FMR1: variants seen among roughly 807,000 people sequenced by gnomAD.
FMR1 encodes fragile X messenger ribonucleoprotein 1.
FMR1 carries 13 observed loss-of-function variants against 50.6 expected under a neutral mutation model. The observed-to-expected ratio is 0.26, with a 90% CI of 0.17 to 0.41. FMR1 has a LOEUF of 0.41. Among genes scored for constraint, FMR1 ranks in the 10% least tolerant of loss-of-function variants. FMR1 has a pLI of 1.00. For synonymous variants in FMR1, 138 were observed against 164.1 expected (o/e 0.84, Z 1.22); for missense variants, 316 against 491.3 (o/e 0.64, Z 3.37).
At chrX:147,940,175 A>AC (rs2043950377) in intron 12 of FMR1, 1 of 113,047 alleles carries the variant, frequency 8.8e-6, no homozygotes, top group Admixed American at 9.5e-5. Context: ...AAAAAAAAAA[A>AC]AAAACAAAAA....
At chrX:147,914,124 TG>T (rs1410208857) in intron 1 of FMR1, 4 of 112,586 alleles carry the variant, frequency 3.6e-5, no homozygotes, top group African/African-American at 1.3e-4. Context: ...CCTCCTTTTT[TG>T]TTTTGTTTTG....
At chrX:147,940,153 T>C (rs1603025319) in intron 12 of FMR1, 1 of 63,202 alleles carries the variant, frequency 1.6e-5, no homozygotes, top group African/African-American at 8.0e-5. Flanking sequence ...AGAGCGAGAC[T>C]CCGTCTCAAA....
chrX:147,948,877 C>T lies in FMR1; in HGVS notation c.*33C>T, dbSNP rs1557182717. The T allele has an allele frequency of 8.4e-7, 1 of 1,184,204 alleles. No homozygotes were observed. The highest frequency in any genetic ancestry group is 1.7e-5 in the African/African-American group (1 of 57,243). On this transcript the variant is annotated 3_prime_UTR_variant, in exon 17 of 17. Transcript: ENST00000370475. ...AATTCTGAAGTTATATTTCCTATAC[C>T]ATTTCCGTAATTCTTATTCCATATT...
rs187242457 is a variant in FMR1, at chrX:147,935,714, A to G, written c.881-790A>G. On this transcript the variant is annotated intron_variant, in intron 9 of 16. Coordinates refer to ENST00000370475, the MANE Select transcript of FMR1 (RefSeq NM_002024.6). Reference sequence around the variant, plus strand: ...TAAATAAGGAAATGATCAAGTACCTATTTTTTACTGGTACTTGAAATCCCA... The same window carrying G: ...TAAATAAGGAAATGATCAAGTACCTGTTTTTTACTGGTACTTGAAATCCCA... Among the ~76,000 whole-genome samples, 43 of 112,452 alleles carry G rather than the reference A, an allele frequency of 3.8e-4. No individual in the cohort carries two copies. The East Asian group carries it at 7.0e-3, about 18-fold the overall frequency.
chrX:147,915,101 T>C (rs782435338), intron 1 of FMR1, among the ~76,000 whole-genome samples: 1 of 111,986 alleles, frequency 8.9e-6, no homozygotes, highest in Non-Finnish European at 1.9e-5. Flanking sequence ...TGTTGTAATA[T>C]GGTGTAATTA....
chrX:147,920,510 A>G (rs1223964414), intron 1 of FMR1, among the ~76,000 whole-genome samples: 1 of 111,059 alleles, frequency 9.0e-6, no homozygotes, highest in African/African-American at 3.3e-5. Context: ...ACCTACCACC[A>G]TCACCCACAC....
intron 9 of FMR1, among the ~76,000 whole-genome samples, chrX:147,936,096 A>G (rs1433404059): frequency 6.2e-5 from 7 of 112,489 alleles, no homozygotes; most frequent in African/African-American, 2.3e-4. Flanking sequence ...ATAAGTGAAT[A>G]TATTTCCCAT....
chrX:147,912,117 C>T lies in FMR1; in HGVS notation c.-63C>T, dbSNP rs1557173933. ...GCGGCGGCGGCGGCGGCGGCTGGGC[C>T]TCGAGCGCCCGCAGCCCACCTCTCG... is the stretch of plus-strand genomic sequence containing the variant. On this transcript the variant is annotated 5_prime_UTR_variant, in exon 1 of 17. Transcript: ENST00000370475. 4.6e-6 allele frequency: 4 copies of T among 864,512 alleles called. No individual in the cohort carries two copies. In the East Asian group the frequency reaches 1.8e-4, roughly 39 times the overall value. The allele number at this position is 864,512 out of a possible 1,213,427, so 71.2% of individuals were successfully genotyped here.
At position 147,949,772 on chromosome X, in the gene FMR1, T is replaced by C. The variant is rs2044277463; in HGVS notation, c.*928T>C. ...GCCTGCTCTTTGGCCTGATGACCAA[T>C]TTTAACTTAGAGCTTTTTTTTTTTA... On this transcript the variant is annotated 3_prime_UTR_variant, in exon 17 of 17. Transcript: ENST00000370475. The C allele has an allele frequency of 3.1e-6, 1 of 327,574 alleles. No individual in the cohort carries two copies. The highest frequency in any genetic ancestry group is 5.9e-6 in the Non-Finnish European group (1 of 169,686). 27.0% of individuals were successfully genotyped at this position (327,574 alleles called of 1,213,427 possible). A position where few individuals can be genotyped will look rare whatever the true frequency, so the allele number is the denominator to read the frequency against.
intron 14 of FMR1, chrX:147,944,228 T>C (rs868988567): frequency 1.5e-5 from 11 of 750,176 alleles, no homozygotes; most frequent in African/African-American, 1.4e-4. Flanking sequence ...TCTAAGTCGT[T>C]AACCCCTTCA....
intron 9 of FMR1, chrX:147,933,635 T>C (rs1208155181): frequency 2.4e-6 from 2 of 843,526 alleles, no homozygotes; most frequent in East Asian, 1.2e-4. Context: ...TGCAGTTTTA[T>C]CAAGAAAGCT....
At chrX:147,916,962 T>A (rs1170096693) in intron 1 of FMR1, among the ~76,000 whole-genome samples, 4 of 112,299 alleles carry the variant, frequency 3.6e-5, no homozygotes, top group Non-Finnish European at 7.5e-5. Context: ...GATCTCAAGT[T>A]ATCTGCCTGC....
Position 147,951,025 on chromosome X carries a change from CATG to C in FMR1, c.*2185_*2187del, listed in dbSNP as rs1298573866. On this transcript the variant is annotated 3_prime_UTR_variant, in exon 17 of 17. Coordinates refer to ENST00000370475, the MANE Select transcript of FMR1 (RefSeq NM_002024.6). ...ACGTGTATGTTTTTCAGTTCAAAGT[CATG>C]ATGTTTTTAAAATCTTATTAAAGTT... is the stretch of plus-strand genomic sequence containing the variant. 7.0e-5 allele frequency: 17 copies of C among 241,766 alleles called. No individual in the cohort carries two copies. The highest frequency in any genetic ancestry group is 1.1e-4 in the Non-Finnish European group (14 of 128,158). 19.9% of individuals were successfully genotyped at this position (241,766 alleles called of 1,213,427 possible). A position where few individuals can be genotyped will look rare whatever the true frequency, so the allele number is the denominator to read the frequency against.
rs782513693 is a variant in FMR1 at position 147,928,209 on chromosome X, G to A, written c.199-113G>A. On this transcript the variant is annotated intron_variant, in intron 3 of 16. Transcript: ENST00000370475. ...ATTTGGTTGAGGATATATGACATGTGGTTTTTAAAGACACCTAGGGGCATT... is the reference window on the plus strand; with the variant it reads ...ATTTGGTTGAGGATATATGACATGTAGTTTTTAAAGACACCTAGGGGCATT... 110 of 631,664 alleles carry A rather than the reference G, an allele frequency of 1.7e-4. No homozygotes were observed. The African/African-American group carries it at 2.3e-3, about 13-fold the overall frequency. The allele number at this position is 631,664 out of a possible 1,213,427, so 52.1% of individuals were successfully genotyped here.
At chrX:147,944,277 T>C (rs1303364566) in intron 14 of FMR1, 2 of 751,653 alleles carry the variant, frequency 2.7e-6, no homozygotes, top group Non-Finnish European at 3.1e-6. Flanking sequence ...TTATTAATGA[T>C]CAATTATTGT....
chrX:147,948,801 A>G lies in FMR1; in HGVS notation c.1856A>G (p.Asp619Gly). 8.3e-7 allele frequency: 1 copy of G among 1,211,627 alleles called. No individual in the cohort carries two copies. Among genetic ancestry groups the G allele is most frequent in the Non-Finnish European group, 1.1e-6 (1 of 895,316 alleles). Reference sequence around the variant, plus strand: ...CGTAACCAGAAGAAAGAGAAGCCAGACAGCGTGGATGGTCAGCAACCACTC... The same window carrying G: ...CGTAACCAGAAGAAAGAGAAGCCAGGCAGCGTGGATGGTCAGCAACCACTC... ...KDRNQKKEKPDSVDGQQPLVN... is the reference protein window; with the variant it reads ...KDRNQKKEKPGSVDGQQPLVN... Residue 619 changes from aspartate (D) to glycine (G), a missense_variant, in exon 17 of 17, where the codon GAC (aspartate) becomes GGC (glycine). By Grantham distance (94) the Asp-to-Gly change is moderately conservative. Around this residue, in one of 4 missense-constraint regions of FMR1, gnomAD observed 124 missense variants for 160.8 expected, o/e 0.77. Coordinates refer to ENST00000370475, the MANE Select transcript of FMR1 (RefSeq NM_002024.6).
At position 147,948,443 on chromosome X, in the gene FMR1, TCTAA is replaced by T. The variant is rs1418228732; in HGVS notation, c.1738-237_1738-234del. ...GACATGATAGGATTGTGAGTTTTTCTCTAACTTTGGATGCAGTGAGATGACCAGT... is the reference window on the plus strand; with the variant it reads ...GACATGATAGGATTGTGAGTTTTTCTCTTTGGATGCAGTGAGATGACCAGT... On this transcript the variant is annotated intron_variant, in intron 16 of 16. Transcript: ENST00000370475. 4.9e-6 allele frequency: 5 copies of T among 1,019,840 alleles called. No homozygotes were observed. The African/African-American group carries it at 9.6e-5, about 20-fold the overall frequency. The allele number at this position is 1,019,840 out of a possible 1,213,427, so 84.0% of individuals were successfully genotyped here.
intron 2 of FMR1, among the ~76,000 whole-genome samples, chrX:147,923,520 A>G (rs191463645): frequency 6.9e-4 from 77 of 112,128 alleles, no homozygotes; most frequent in Non-Finnish European, 1.4e-3. Flanking sequence ...CCTGTAGTCT[A>G]TAATCTAAAG....
At chrX:147,924,516 T>TATA (rs782673182) in intron 2 of FMR1, among the ~76,000 whole-genome samples, 49 of 26,642 alleles carry the variant, frequency 1.8e-3, no homozygotes, top group East Asian at 0.014. Context: ...TATATATATA[T>TATA]TTTTTTTTTT....
Sources: gnomAD v4.1 joint callset for allele counts (sites outside exome capture counted in the v4.1 genomes callset) on GRCh38, gnomAD v4.1.1 for gene constraint, gnomAD v4.1.1 regional missense constraint, MANE v1.5 for transcripts, NCBI Gene and HGNC (gene_info 2026-07-23, HGNC 2026-07-21) for gene names.